The following ABTB3 variants were observed in gnomAD, a reference collection of about 807,000 sequenced individuals.
The protein encoded by ABTB3 is ankyrin repeat and BTB domain containing 3.
At chr12:107,536,429 A>C in the ABTB3 span, among the ~76,000 whole-genome samples, 10 of 152,316 alleles carry the variant, frequency 6.6e-5, no homozygotes, top group East Asian at 1.7e-3. Context: ...CATCAAAGGA[A>C]ACAATTAACA....
chr12:107,392,123 G>A, the ABTB3 span, among the ~76,000 whole-genome samples: 2 of 152,170 alleles, frequency 1.3e-5, no homozygotes, highest in South Asian at 2.1e-4. Flanking sequence ...CCTGTGCAGA[G>A]CACACAGTAA....
chr12:107,648,925 T>C, the ABTB3 span, among the ~76,000 whole-genome samples: 1 of 149,980 alleles, frequency 6.7e-6, no homozygotes, highest in African/African-American at 2.5e-5. Flanking sequence ...TAGGGTTGTT[T>C]AGTTTGGTCT....
the ABTB3 span, among the ~76,000 whole-genome samples, chr12:107,369,105 T>C: frequency 2.2e-4 from 33 of 152,222 alleles, no homozygotes; most frequent in African/African-American, 7.5e-4. Context: ...TAATCAAATC[T>C]ACCAACTTTT....
the ABTB3 span, among the ~76,000 whole-genome samples, chr12:107,399,115 G>A: frequency 6.6e-6 from 1 of 152,154 alleles, no homozygotes; most frequent in African/African-American, 2.4e-5. Context: ...CGCTGGAGTG[G>A]ACCACCGTGT....
chr12:107,335,044 G>A, the ABTB3 span, among the ~76,000 whole-genome samples: 1 of 152,158 alleles, frequency 6.6e-6, no homozygotes, highest in African/African-American at 2.4e-5. Flanking sequence ...CCAGTGCTTT[G>A]GGAGTCCAAG....
the ABTB3 span, among the ~76,000 whole-genome samples, chr12:107,324,303 C>A: frequency 6.6e-6 from 1 of 152,102 alleles, no homozygotes; most frequent in Non-Finnish European, 1.5e-5. Flanking sequence ...AGTACACCCA[C>A]CTCAAGGATT....
the ABTB3 span, among the ~76,000 whole-genome samples, chr12:107,584,196 C>G: frequency 6.6e-6 from 1 of 152,172 alleles, no homozygotes; most frequent in Non-Finnish European, 1.5e-5. Flanking sequence ...TTGCAGGTAA[C>G]AGGATCAAAG....
At chr12:107,482,904 CTCTT>C in the ABTB3 span, among the ~76,000 whole-genome samples, 1 of 134,844 alleles carries the variant, frequency 7.4e-6, no homozygotes, top group Non-Finnish European at 1.7e-5. Context: ...CTCTCTCTCT[CTCTT>C]TCTTCTTCTT....
At chr12:107,657,344 C>T in the ABTB3 span, among the ~76,000 whole-genome samples, 2 of 152,204 alleles carry the variant, frequency 1.3e-5, no homozygotes, top group East Asian at 1.9e-4. Context: ...CCTTTGATAG[C>T]ATGAGCCGCA....
chr12:107,619,911 C>T, the ABTB3 span: 2 of 1,385,800 alleles, frequency 1.4e-6, no homozygotes, highest in Admixed American at 2.7e-5. Context: ...TCGCCTGCTC[C>T]TCTGGTTGTT....
chr12:107,464,977 C>CA, the ABTB3 span, among the ~76,000 whole-genome samples: 1 of 149,168 alleles, frequency 6.7e-6, no homozygotes, highest in African/African-American at 2.6e-5. Context: ...CACACACACA[C>CA]CCCAGAGAAT....
the ABTB3 span, chr12:107,520,157 A>T: frequency 8.3e-5 from 76 of 912,256 alleles, no homozygotes; most frequent in Middle Eastern, 1.7e-3. Context: ...CCTGACCACC[A>T]GAGTCACAAG....
At chr12:107,369,319 C>T in the ABTB3 span, among the ~76,000 whole-genome samples, 2 of 151,608 alleles carry the variant, frequency 1.3e-5, no homozygotes, top group Non-Finnish European at 2.9e-5. Flanking sequence ...CCAGTTTTCT[C>T]GACATTATAG....
chr12:107,435,316 C>G, the ABTB3 span, among the ~76,000 whole-genome samples: 1 of 152,232 alleles, frequency 6.6e-6, no homozygotes, highest in Non-Finnish European at 1.5e-5. Flanking sequence ...AGGAGCCCTT[C>G]AGAGGCATTC....
the ABTB3 span, among the ~76,000 whole-genome samples, chr12:107,542,141 C>T: frequency 6.6e-6 from 1 of 151,962 alleles, no homozygotes. Flanking sequence ...GAAACCCCAT[C>T]TCTACTAAAA....
the ABTB3 span, among the ~76,000 whole-genome samples, chr12:107,528,888 G>T: frequency 1.3e-5 from 2 of 150,858 alleles, no homozygotes; most frequent in African/African-American, 5.0e-5. Context: ...TGATGGAGAT[G>T]ATGATGGTGA....
the ABTB3 span, among the ~76,000 whole-genome samples, chr12:107,380,613 C>T: frequency 2.6e-5 from 4 of 152,192 alleles, no homozygotes; most frequent in Admixed American, 1.3e-4. Flanking sequence ...AACCCCATGC[C>T]GAGTCATTTG....
At chr12:107,574,482 G>T in the ABTB3 span, among the ~76,000 whole-genome samples, 1 of 152,146 alleles carries the variant, frequency 6.6e-6, no homozygotes, top group Non-Finnish European at 1.5e-5. Flanking sequence ...CAGCTCTTTG[G>T]GAGGCCAAGG....
the ABTB3 span, among the ~76,000 whole-genome samples, chr12:107,440,912 T>C: frequency 3.3e-5 from 5 of 152,248 alleles, no homozygotes. Flanking sequence ...AGCAAGTTTG[T>C]AGCGTTTCTC....
Sources: allele counts gnomAD v4.1 joint callset (sites outside exome capture counted in the v4.1 genomes callset), GRCh38; gene constraint gnomAD v4.1.1; transcripts MANE v1.5; gene names NCBI Gene and HGNC (gene_info 2026-07-23, HGNC 2026-07-21).